The following LTBP1 variants were observed in gnomAD, a reference collection of about 807,000 sequenced individuals.
LTBP1 encodes latent transforming growth factor beta binding protein 1.
In LTBP1, 129 loss-of-function variants were observed where a neutral mutation model predicts 207.6. The ratio of observed to expected loss-of-function variants is 0.62; its 90% CI spans 0.54 to 0.72. The LOEUF is 0.72. Among genes scored for constraint, LTBP1 ranks in the 30% least tolerant of loss-of-function variants. LTBP1 has a pLI of 0.00. For missense variants in LTBP1, 2,281 were observed against 2,217.2 expected (o/e 1.03, Z -0.58); for synonymous variants, 963 against 833.7 (o/e 1.16, Z -2.67).
intron 31 of LTBP1, among the ~76,000 whole-genome samples, chr2:33,373,844 A>G (rs2095102481): frequency 1.3e-5 from 2 of 152,198 alleles, no homozygotes; most frequent in Non-Finnish European, 2.9e-5. Context: ...TTATTCCTAA[A>G]TATTATGTAT....
At chr2:33,317,982 C>G (rs1227568744) in intron 24 of LTBP1, 2 of 152,184 alleles carry the variant, frequency 1.3e-5, no homozygotes, top group African/African-American at 2.4e-5. Context: ...TATTCCTCAT[C>G]TGTAAATCCA....
At chr2:33,223,236 A>AT (rs1049240604) in intron 9 of LTBP1, among the ~76,000 whole-genome samples, 4 of 152,156 alleles carry the variant, frequency 2.6e-5, no homozygotes, top group Admixed American at 2.0e-4. Flanking sequence ...GAATATCTTG[A>AT]TTTTTTATCT....
chr2:33,199,357 G>GA (rs939367775), intron 7 of LTBP1, among the ~76,000 whole-genome samples: 6 of 152,206 alleles, frequency 3.9e-5, no homozygotes, highest in African/African-American at 1.4e-4. Flanking sequence ...GTGTGGTGCT[G>GA]AAAAAAATGT....
intron 22 of LTBP1, among the ~76,000 whole-genome samples, chr2:33,303,005 A>G (rs1463252248): frequency 6.6e-6 from 1 of 151,818 alleles, no homozygotes; most frequent in Non-Finnish European, 1.5e-5. Context: ...AAACACACGC[A>G]CACACACCCC....
At chr2:32,955,734 T>A (rs951122366) in intron 2 of LTBP1, among the ~76,000 whole-genome samples, 3 of 152,208 alleles carry the variant, frequency 2.0e-5, no homozygotes, top group Non-Finnish European at 2.9e-5. Context: ...GTACAATGAT[T>A]TATACATAAA....
intron 3 of LTBP1, among the ~76,000 whole-genome samples, chr2:33,031,677 T>G (rs1275532587): frequency 2.0e-5 from 3 of 152,124 alleles, no homozygotes; most frequent in Admixed American, 2.0e-4. Flanking sequence ...TTTAAATAAA[T>G]AACAGGTGGA....
chr2:33,109,835 T>G (rs535018899), intron 3 of LTBP1, among the ~76,000 whole-genome samples: 54 of 152,354 alleles, frequency 3.5e-4, no homozygotes, highest in African/African-American at 1.1e-3. Flanking sequence ...CAGCTCAGTG[T>G]CGCAGAGATT....
chr2:32,991,656 G>A (rs1684438209), intron 2 of LTBP1, among the ~76,000 whole-genome samples: 1 of 152,186 alleles, frequency 6.6e-6, no homozygotes, highest in African/African-American at 2.4e-5. Context: ...GACAGAACAT[G>A]CTAGCCATCT....
intron 2 of LTBP1, among the ~76,000 whole-genome samples, chr2:33,016,061 C>T (rs1688334080): frequency 1.3e-5 from 2 of 152,122 alleles, no homozygotes; most frequent in Admixed American, 1.3e-4. Flanking sequence ...CAAACCCTGT[C>T]AGTGGACATT....
intron 3 of LTBP1, among the ~76,000 whole-genome samples, chr2:33,064,636 A>G (rs1160227667): frequency 6.6e-6 from 1 of 152,214 alleles, no homozygotes; most frequent in East Asian, 1.9e-4. Flanking sequence ...TTTGTGCCAG[A>G]TGGAGATGTT....
intron 31 of LTBP1, among the ~76,000 whole-genome samples, chr2:33,368,975 A>C (rs1487964792): frequency 1.3e-5 from 2 of 152,192 alleles, no homozygotes; most frequent in African/African-American, 4.8e-5. Flanking sequence ...GTTATGAGAA[A>C]TGAATTTTTG....
intron 31 of LTBP1, among the ~76,000 whole-genome samples, chr2:33,383,035 A>G (rs2095233824): frequency 6.6e-6 from 1 of 152,192 alleles, no homozygotes; most frequent in Non-Finnish European, 1.5e-5. Flanking sequence ...TTCTAATTTC[A>G]TAACTTTTAC....
intron 3 of LTBP1, among the ~76,000 whole-genome samples, chr2:33,044,235 G>A (rs750458654): frequency 3.9e-5 from 6 of 151,926 alleles, no homozygotes; most frequent in Non-Finnish European, 5.9e-5. Context: ...ATCTACATTA[G>A]GTATTTCTCC....
intron 32 of LTBP1, among the ~76,000 whole-genome samples, chr2:33,393,231 CTTCT>C (rs1198322407): frequency 1.2e-3 from 94 of 78,328 alleles, no homozygotes; most frequent in African/African-American, 4.5e-3. Flanking sequence ...TTTCCTTCTT[CTTCT>C]TTTTTTTTTT....
chr2:33,250,923 G>C (rs1220887459), intron 10 of LTBP1, among the ~76,000 whole-genome samples: 2 of 152,126 alleles, frequency 1.3e-5, no homozygotes. Flanking sequence ...AGAAGCAGAG[G>C]GTTGTCTCAC....
chr2:33,263,012 GT>G (rs75620528), intron 14 of LTBP1, among the ~76,000 whole-genome samples, 191 bp downstream of exon 14: 18,712 of 146,076 alleles, frequency 0.13, 1,599 homozygotes, highest in African/African-American at 0.25. Context: ...GGAAAGATAG[GT>G]TTTTTTTTTT....
chr2:33,324,194 C>T (rs2094395302), intron 24 of LTBP1, among the ~76,000 whole-genome samples: 1 of 151,894 alleles, frequency 6.6e-6, no homozygotes, highest in Non-Finnish European at 1.5e-5. Context: ...CATGGTCAAC[C>T]ACAGCCTACA....
chr2:33,110,504 G>A (rs761960714), intron 3 of LTBP1, 78 bp from the exon 4 acceptor site: 39 of 1,325,178 alleles, frequency 2.9e-5, no homozygotes, highest in Admixed American at 1.2e-4. Context: ...CATTTAACTC[G>A]TTGCTTACCC....
At chr2:33,295,706 A>G (rs927501128) in intron 20 of LTBP1, among the ~76,000 whole-genome samples, 2 of 151,978 alleles carry the variant, frequency 1.3e-5, no homozygotes, top group African/African-American at 4.8e-5. Context: ...TTACTTTTAC[A>G]TCTAAAAGTA....
Sources: allele counts gnomAD v4.1 joint callset (sites outside exome capture counted in the v4.1 genomes callset), GRCh38; gene constraint gnomAD v4.1.1; transcripts MANE v1.5; gene names NCBI Gene and HGNC (gene_info 2026-07-23, HGNC 2026-07-21).